Variants in TNS1 observed in about 807,000 individuals in gnomAD.
TNS1 encodes tensin 1, also known as tensin-1.
Under a neutral mutation model 168.6 loss-of-function variants are expected in TNS1, and 62 were observed. The ratio of observed to expected loss-of-function variants is 0.37; its 90% CI spans 0.30 to 0.45. The LOEUF (loss-of-function observed/expected upper bound fraction) is 0.45, where lower values mean the gene tolerates loss of function less well. TNS1 is among the 20% of genes least tolerant of loss of function. The pLI is 1.00. For missense variants in TNS1, 2,240 were observed against 2,339.4 expected (o/e 0.96, Z 0.88); for synonymous variants, 934 against 933.2 (o/e 1.00, Z -0.02).
intron 32 of TNS1, among the ~76,000 whole-genome samples, chr2:217,807,510 G>A (rs1018178212): frequency 1.3e-5 from 2 of 152,202 alleles, no homozygotes; most frequent in African/African-American, 4.8e-5. Context: ...CTTATCTGCT[G>A]TGCCAATGGG....
rs80165891 is a variant in TNS1, at chr2:217,887,296, C to T, written c.867-650G>A. Among the ~76,000 whole-genome samples, 707 of 152,204 alleles carry T rather than the reference C, an allele frequency of 4.6e-3. 3 individuals carry two copies. Among genetic ancestry groups the T allele is most frequent in the African/African-American group, 0.016 (673 of 41,512 alleles). On this transcript the variant is annotated intron_variant, in intron 12 of 32. Coordinates refer to ENST00000682258, the MANE Select transcript of TNS1 (RefSeq NM_001387777.1). ...AGTATCTATCTCTAGGGTCAACTTC[C>T]CCCAATTTTTTTGTTTTGTTTTTGT...
rs745852544 is a variant in TNS1, at chr2:217,983,267, GA to G, written c.149-4466del. 1.4e-4 allele frequency among the ~76,000 whole-genome samples: 21 copies of G among 152,182 alleles called. 1 individual carries two copies. Among genetic ancestry groups the G allele is most frequent in the Non-Finnish European group, 2.9e-5 (2 of 68,030 alleles). The stretch of plus-strand genomic sequence containing the variant: ...GTCCTCCCCCAGATACACATGTCAG[GA>G]TGGGCCCTACCTGAGCAGATCATGG... On this transcript the variant is annotated intron_variant, in intron 2 of 32. Coordinates refer to ENST00000682258, the MANE Select transcript of TNS1 (RefSeq NM_001387777.1).
Position 217,818,095 on chromosome 2 carries a change from A to C in TNS1, c.4237T>G (p.Ser1413Ala). The C allele has an allele frequency of 6.2e-7, 1 of 1,613,734 alleles. No individual in the cohort carries two copies. Among genetic ancestry groups the C allele is most frequent in the Non-Finnish European group, 8.5e-7 (1 of 1,179,910 alleles). ...AAGCAGGGGCTGCCGGGAACCACAGATCCAGACCCTCCGAGGTGACGGCCC... is the reference window on the plus strand; with the variant it reads ...AAGCAGGGGCTGCCGGGAACCACAGCTCCAGACCCTCCGAGGTGACGGCCC... ...SLGRHLGGSGSVVPGSPCLDR... is the reference protein window; with the variant it reads ...SLGRHLGGSGAVVPGSPCLDR... Residue 1413 changes from serine (S) to alanine (A), a missense_variant, in exon 24 of 33, where the codon TCT (serine) becomes GCT (alanine). Coordinates refer to ENST00000682258, the MANE Select transcript of TNS1 (RefSeq NM_001387777.1).
intron 3 of TNS1, among the ~76,000 whole-genome samples, chr2:217,950,275 C>T (rs1026609750): frequency 6.6e-6 from 1 of 152,176 alleles, no homozygotes; most frequent in Non-Finnish European, 1.5e-5. Context: ...GGAAAGTGAA[C>T]CACAGCAAAT....
chr2:217,963,408 G>A (rs55997849), intron 3 of TNS1, among the ~76,000 whole-genome samples: 16,008 of 152,046 alleles, frequency 0.11, 1,571 homozygotes, highest in African/African-American at 0.26. Context: ...ATCATGCACC[G>A]GGAGCGTAAA....
chr2:217,840,227 A>G (rs545949080), intron 19 of TNS1, among the ~76,000 whole-genome samples: 3 of 152,180 alleles, frequency 2.0e-5, no homozygotes, highest in East Asian at 3.9e-4. Context: ...AGGCCTGAGC[A>G]TGGCATCTTC....
At chr2:217,933,258 G>A (rs936948302) in intron 3 of TNS1, among the ~76,000 whole-genome samples, 10 of 152,174 alleles carry the variant, frequency 6.6e-5, no homozygotes, top group African/African-American at 1.9e-4. Context: ...ACGGAGGGGC[G>A]GAAGAAGACC....
chr2:217,807,436 G>A (rs1459097291), intron 32 of TNS1, among the ~76,000 whole-genome samples: 1 of 152,206 alleles, frequency 6.6e-6, no homozygotes, highest in East Asian at 1.9e-4. Context: ...ATCCAAGGAT[G>A]CTAGGATCCT....
At chr2:218,030,963 ATG>A (rs778493624) in intron 1 of TNS1, among the ~76,000 whole-genome samples, 4 of 151,568 alleles carry the variant, frequency 2.6e-5, no homozygotes, top group Admixed American at 2.6e-4. Context: ...GTGTGTGAGC[ATG>A]TGTGTGAACT....
rs1418429299 is a variant in TNS1 at position 217,809,994 on chromosome 2, GGAA to G, written c.5105-6_5105-4del. 6.2e-7 allele frequency: 1 copy of G among 1,609,606 alleles called. No individual in the cohort carries two copies. Among genetic ancestry groups the G allele is most frequent in the African/African-American group, 1.3e-5 (1 of 74,826 alleles). The stretch of plus-strand genomic sequence containing the variant: ...GTTGACGAAGAGCACATTGCAGGCT[GGAA>G]GAAACCAACCCAAGGGGGAGTCATG... On this transcript the variant is annotated splice_polypyrimidine_tract_variant and splice_region_variant and intron_variant, in intron 29 of 32. Coordinates refer to ENST00000682258, the MANE Select transcript of TNS1 (RefSeq NM_001387777.1).
chr2:217,987,645 C>T (rs1261905637), intron 2 of TNS1, among the ~76,000 whole-genome samples: 1 of 152,214 alleles, frequency 6.6e-6, no homozygotes, highest in Non-Finnish European at 1.5e-5. Flanking sequence ...TTGCAAGTCC[C>T]ATGGAGACTG....
intron 19 of TNS1, 36 bp from the exon 20 acceptor site, chr2:217,836,247 T>C: frequency 6.4e-7 from 1 of 1,572,438 alleles, no homozygotes; most frequent in Non-Finnish European, 8.7e-7. Context: ...ACAATGAGCA[T>C]TTTTGTGTAA....
At chr2:217,856,141 TG>T in intron 18 of TNS1, among the ~76,000 whole-genome samples, 1 of 152,150 alleles carries the variant, frequency 6.6e-6, no homozygotes, top group Non-Finnish European at 1.5e-5. Flanking sequence ...CTGTCACCCA[TG>T]ACTTGCATGG....
intron 8 of TNS1, 80 bp from the exon 9 acceptor site, chr2:217,895,136 G>T: frequency 2.1e-6 from 3 of 1,407,030 alleles, no homozygotes; most frequent in Non-Finnish European, 3.0e-6. Context: ...ATGGCCTGCT[G>T]GTCCCAGAAA....
chr2:217,934,318 C>T (rs1391110946), intron 3 of TNS1, among the ~76,000 whole-genome samples: 1 of 152,082 alleles, frequency 6.6e-6, no homozygotes, highest in Non-Finnish European at 1.5e-5. Context: ...GGTGTGGCAC[C>T]CTGCTGGCCG....
intron 3 of TNS1, among the ~76,000 whole-genome samples, chr2:217,925,596 G>A (rs369108098): frequency 3.9e-5 from 6 of 152,342 alleles, no homozygotes; most frequent in African/African-American, 1.4e-4. Flanking sequence ...GAGTGGAAAA[G>A]GGGTCCCCCC....
At chr2:217,999,254 A>G (rs1375854832) in intron 1 of TNS1, among the ~76,000 whole-genome samples, 8 of 152,234 alleles carry the variant, frequency 5.3e-5, no homozygotes, top group Admixed American at 2.0e-4. Flanking sequence ...CTTGCTGGGT[A>G]GCCTTGAAAA....
intron 22 of TNS1, among the ~76,000 whole-genome samples, chr2:217,830,981 G>A (rs1447668176): frequency 6.6e-6 from 1 of 152,184 alleles, no homozygotes; most frequent in Non-Finnish European, 1.5e-5. Flanking sequence ...CCAGGTGAAT[G>A]CCTGTGATGC....
chr2:218,020,779 T>C (rs1201388122), intron 1 of TNS1, among the ~76,000 whole-genome samples: 1 of 152,030 alleles, frequency 6.6e-6, no homozygotes, highest in Admixed American at 6.5e-5. Flanking sequence ...AACCCAAAGA[T>C]ACAGACAGGA....
Sources: gnomAD v4.1 joint callset for allele counts (sites outside exome capture counted in the v4.1 genomes callset) on GRCh38, gnomAD v4.1.1 for gene constraint, MANE v1.5 for transcripts, NCBI Gene and HGNC (gene_info 2026-07-23, HGNC 2026-07-21) for gene names.